DOCK1: variants seen among roughly 807,000 people sequenced by gnomAD.
The protein encoded by DOCK1 is dedicator of cytokinesis protein 1.
Under a neutral mutation model 262.7 loss-of-function variants are expected in DOCK1, and 138 were observed. The ratio of observed to expected loss-of-function variants is 0.53; its 90% confidence interval spans 0.46 to 0.61. The LOEUF (loss-of-function observed/expected upper bound fraction) is 0.61. Ranked by LOEUF, DOCK1 falls within the 20% of genes least tolerant of loss-of-function variation. The probability of loss-of-function intolerance (pLI) is 0.00; values close to 1 mark genes in which losing one functional copy is unlikely to be tolerated. For missense variants in DOCK1, 1,908 were observed against 2,370.7 expected (o/e 0.80, Z 4.05); for synonymous variants, 866 against 867.4 (o/e 1.00, Z 0.03).
chr10:127,451,643 G>C lies in DOCK1; in HGVS notation c.*216G>C. Reference sequence around the variant, plus strand: ...GTCTGGGAGGTAGATATGGGTCCGGGATGTGCTATCGTAGTTATCAGAGTT... The same window carrying C: ...GTCTGGGAGGTAGATATGGGTCCGGCATGTGCTATCGTAGTTATCAGAGTT... On this transcript the variant is annotated 3_prime_UTR_variant, in exon 52 of 52. Coordinates refer to ENST00000623213, the MANE Select transcript of DOCK1 (RefSeq NM_001290223.2). The C allele has an allele frequency of 8.5e-7, 1 of 1,170,238 alleles. No homozygotes were observed. Among genetic ancestry groups the C allele is most frequent in the Non-Finnish European group, 1.2e-6 (1 of 868,296 alleles). The allele number at this position is 1,170,238 out of a possible 1,614,324, so 72.5% of individuals were successfully genotyped here.
At chr10:127,148,068 G>A (rs2052088307) in intron 27 of DOCK1, among the ~76,000 whole-genome samples, 1 of 144,936 alleles carries the variant, frequency 6.9e-6, no homozygotes, top group South Asian at 2.2e-4. Flanking sequence ...AATTCCACCT[G>A]TCCTTGACCA....
At chr10:127,102,256 C>T (rs1405718396) in intron 23 of DOCK1, among the ~76,000 whole-genome samples, 2 of 152,192 alleles carry the variant, frequency 1.3e-5, no homozygotes, top group African/African-American at 2.4e-5. Flanking sequence ...AAAGACTTCA[C>T]TTTCACATGT....
At chr10:127,056,644 A>G (rs2045173523) in intron 22 of DOCK1, among the ~76,000 whole-genome samples, 1 of 149,814 alleles carries the variant, frequency 6.7e-6, no homozygotes, top group East Asian at 2.0e-4. Context: ...CCTTCCTTCC[A>G]TGAATACTTA....
Position 127,228,000 on chromosome 10 carries a change from T to C in DOCK1, c.2848-20008T>C, listed in dbSNP as rs372179419. Among the ~76,000 whole-genome samples, 10 of 152,334 alleles carry C rather than the reference T, an allele frequency of 6.6e-5. No homozygotes were observed. In the South Asian group the frequency reaches 1.0e-3, roughly 16 times the overall value. ...TTCCAGAAACCTGATATGTTGGCAA[T>C]TTCTCAAGCTTTGACTCTTTCTTCC... On this transcript the variant is annotated intron_variant, in intron 27 of 51. Transcript: ENST00000623213.
At chr10:127,321,689 C>T (rs1369856745) in intron 29 of DOCK1, among the ~76,000 whole-genome samples, 2 of 151,678 alleles carry the variant, frequency 1.3e-5, no homozygotes, top group Non-Finnish European at 2.9e-5. Flanking sequence ...GTTACCTCTG[C>T]AGCGTCCTTC....
At position 127,425,967 on chromosome 10, in the gene DOCK1, C is replaced by G; in HGVS notation, c.4870C>G (p.Gln1624Glu). Reference protein sequence around the residue: ...FHERMEACFKQLKEKVEKEYG... With the variant: ...FHERMEACFKELKEKVEKEYG... Reference sequence around the variant, plus strand: ...CGAGAGGATGGAGGCCTGTTTCAAACAGCTGAAGGAAAAGGTGGAGAAAGA... The same window carrying G: ...CGAGAGGATGGAGGCCTGTTTCAAAGAGCTGAAGGAAAAGGTGGAGAAAGA... The change falls in exon 47 of 52, where the codon CAG becomes GAG. Residue 1624 changes from glutamine (Q) to glutamate (E), a missense_variant. Physicochemically the swap from Gln to Glu is conservative, Grantham distance 29. Transcript: ENST00000623213. The G allele has an allele frequency of 6.2e-7, 1 of 1,613,996 alleles. No individual in the cohort carries two copies. The highest frequency in any genetic ancestry group is 8.5e-7 in the Non-Finnish European group (1 of 1,179,906).
intron 9 of DOCK1, 130 bp from the exon 10 acceptor site, chr10:127,000,042 T>A: frequency 9.6e-7 from 1 of 1,044,416 alleles, no homozygotes; most frequent in East Asian, 2.5e-5. Context: ...TTTTGTCATA[T>A]GAATAACTGA....
intron 27 of DOCK1, among the ~76,000 whole-genome samples, chr10:127,210,764 C>T (rs2057938634): frequency 1.3e-5 from 2 of 152,290 alleles, no homozygotes; most frequent in African/African-American, 4.8e-5. Context: ...GTTCCTCAGC[C>T]TCATGAAGTT....
chr10:127,169,528 C>G (rs1054314425), intron 27 of DOCK1, among the ~76,000 whole-genome samples: 2 of 152,154 alleles, frequency 1.3e-5, no homozygotes, highest in Non-Finnish European at 2.9e-5. Context: ...GAGTCCATAA[C>G]CTATGGCTTG....
chr10:126,922,584 A>G (rs1206840823), intron 1 of DOCK1, among the ~76,000 whole-genome samples: 1 of 152,164 alleles, frequency 6.6e-6, no homozygotes, highest in African/African-American at 2.4e-5. Context: ...AATCCCTCCC[A>G]CAAGGCCCAT....
intron 43 of DOCK1, among the ~76,000 whole-genome samples, chr10:127,413,150 C>T (rs1378260074): frequency 6.6e-6 from 1 of 152,190 alleles, no homozygotes; most frequent in East Asian, 1.9e-4. Flanking sequence ...CACACCTCTC[C>T]CATCTGGCAA....
intron 27 of DOCK1, among the ~76,000 whole-genome samples, chr10:127,227,588 C>T (rs1214051074): frequency 6.6e-6 from 1 of 152,232 alleles, no homozygotes; most frequent in African/African-American, 2.4e-5. Context: ...CTGGTCCATG[C>T]AGAAACAACC....
intron 10 of DOCK1, chr10:127,001,589 TA>T (rs2040599995): frequency 6.6e-6 from 1 of 152,246 alleles, no homozygotes; most frequent in Non-Finnish European, 1.5e-5. Flanking sequence ...TTCACCATCC[TA>T]AAAGTCCTCT....
At chr10:127,152,393 C>T (rs959473902) in intron 27 of DOCK1, among the ~76,000 whole-genome samples, 2 of 152,200 alleles carry the variant, frequency 1.3e-5, no homozygotes, top group African/African-American at 4.8e-5. Flanking sequence ...TGCATGGATG[C>T]CTCATTTTAA....
At chr10:127,319,848 G>A (rs78823997) in intron 29 of DOCK1, among the ~76,000 whole-genome samples, 2,443 of 152,318 alleles carry the variant, frequency 0.016, 79 homozygotes, top group African/African-American at 0.056. Context: ...TGCTCCATGC[G>A]TGCTTCTGGC....
intron 1 of DOCK1, among the ~76,000 whole-genome samples, chr10:126,948,537 A>T (rs1303785329): frequency 3.3e-5 from 5 of 151,846 alleles, no homozygotes; most frequent in Admixed American, 6.6e-5. Context: ...CATCTGGATG[A>T]ACCTCTTTTT....
intron 21 of DOCK1, among the ~76,000 whole-genome samples, chr10:127,049,509 A>C (rs2044571824): frequency 6.6e-6 from 1 of 152,158 alleles, no homozygotes; most frequent in African/African-American, 2.4e-5. Flanking sequence ...TGACAGAGTG[A>C]GACTCTGTCT....
At chr10:127,399,892 C>T (rs369040162) in intron 38 of DOCK1, among the ~76,000 whole-genome samples, 45 of 152,134 alleles carry the variant, frequency 3.0e-4, no homozygotes, top group Non-Finnish European at 5.9e-4. Context: ...AAATGTGAGC[C>T]GGGGCTCTGG....
intron 23 of DOCK1, among the ~76,000 whole-genome samples, chr10:127,073,429 A>G (rs2046343895): frequency 6.6e-6 from 1 of 152,264 alleles, no homozygotes; most frequent in South Asian, 2.1e-4. Context: ...GTCTAATTAC[A>G]GAAACCCAAC....
Sources: gnomAD v4.1 joint callset for allele counts (sites outside exome capture counted in the v4.1 genomes callset) on GRCh38, gnomAD v4.1.1 for gene constraint, MANE v1.5 for transcripts, NCBI Gene and HGNC (gene_info 2026-07-23, HGNC 2026-07-21) for gene names.